Variants in FANCL observed in about 807,000 individuals in gnomAD.
The protein encoded by FANCL is E3 ubiquitin-protein ligase FANCL.
Under a neutral mutation model 59.4 loss-of-function variants are expected in FANCL, and 69 were observed. The ratio of observed to expected loss-of-function variants is 1.16; its 90% CI spans 0.96 to 1.42. The LOEUF is 1.42. FANCL is among the 40% of genes most tolerant of loss of function. The pLI, the probability that FANCL is intolerant of heterozygous loss-of-function variation, is 0.00. For synonymous variants in FANCL, 180 were observed against 147.1 expected (o/e 1.22, Z -1.62); for missense variants, 519 against 447.2 (o/e 1.16, Z -1.45).
intron 1 of FANCL, 55 bp downstream of exon 1, chr2:58,241,163 C>G: frequency 6.3e-7 from 1 of 1,577,520 alleles, no homozygotes; most frequent in Non-Finnish European, 8.7e-7. Context: ...GACTTCTCCG[C>G]GCAGCTACGC....
At position 58,162,894 on chromosome 2, in the gene FANCL, A is replaced by G. The variant is rs199875654; in HGVS notation, c.875T>C (p.Phe292Ser). ...QNLKDVLEIDFPARAILEKSD... is the reference protein window; with the variant it reads ...QNLKDVLEIDSPARAILEKSD... ...TTTTTCCAGGATAGCACGAGCTGGA[A>G]AATCAATTTCTAAAACATCTTTCAA... is the stretch of plus-strand genomic sequence containing the variant. The change falls in exon 11 of 14, where the codon TTT (phenylalanine) becomes TCT (serine). Residue 292 changes from phenylalanine to serine, a missense_variant. Coordinates refer to ENST00000233741, the MANE Select transcript of FANCL (RefSeq NM_018062.4). 21 of 1,612,802 alleles carry G rather than the reference A, an allele frequency of 1.3e-5. No homozygotes were observed. The highest frequency in any genetic ancestry group is 2.2e-5 in the East Asian group (1 of 44,832).
chr2:58,225,320 A>C (rs1057480194), intron 4 of FANCL, among the ~76,000 whole-genome samples: 1 of 151,996 alleles, frequency 6.6e-6, no homozygotes, highest in Admixed American at 6.5e-5. Flanking sequence ...GAAAAGAAAC[A>C]AGCACTTATC....
rs372101290 is a variant in FANCL, at chr2:58,226,708, GA to G, written c.273+19del. 21,609 of 1,256,794 alleles carry G rather than the reference GA, an allele frequency of 0.017. No individual in the cohort carries two copies. Among genetic ancestry groups the G allele is most frequent in the East Asian group, 0.023 (738 of 32,690 alleles). The allele number at this position is 1,256,794 out of a possible 1,614,324, so 77.9% of individuals were successfully genotyped here. A position where few individuals can be genotyped will look rare whatever the true frequency, so the allele number is the denominator to read the frequency against. Reference sequence around the variant, plus strand: ...GACTTGCAGTATGGTAACAGTGTCAGAAAAAAAAAAAATTCTTACCAAAAGC... The same window carrying G: ...GACTTGCAGTATGGTAACAGTGTCAGAAAAAAAAAAATTCTTACCAAAAGC... On this transcript the variant is annotated intron_variant, in intron 4 of 13. Transcript: ENST00000233741.
At chr2:58,217,141 AGATTTATATATATATTTATATATTT>A (rs1558805919) in intron 5 of FANCL, among the ~76,000 whole-genome samples, 109 of 96,412 alleles carry the variant, frequency 1.1e-3, no homozygotes, top group Middle Eastern at 4.9e-3. Flanking sequence ...TTTTATATAT[AGATTTATATATATATTTATATATTT>A]TATATATATA....
chr2:58,217,169 TATATATATA>T (rs1558806308), intron 5 of FANCL, among the ~76,000 whole-genome samples: 3 of 27,490 alleles, frequency 1.1e-4, no homozygotes, highest in East Asian at 1.2e-3. Context: ...ATATATTTTA[TATATATATA>T]TATATATATA....
chr2:58,168,583 A>C (rs1302750898), intron 7 of FANCL, among the ~76,000 whole-genome samples: 1 of 152,042 alleles, frequency 6.6e-6, no homozygotes, highest in Non-Finnish European at 1.5e-5. Context: ...TGGCGCCTGC[A>C]ACACCAGCAA....
intron 7 of FANCL, among the ~76,000 whole-genome samples, chr2:58,178,870 C>T (rs1687639171): frequency 6.6e-6 from 1 of 152,132 alleles, no homozygotes; most frequent in Non-Finnish European, 1.5e-5. Flanking sequence ...AGCTGATAAG[C>T]AACATCAGCA....
intron 7 of FANCL, among the ~76,000 whole-genome samples, chr2:58,168,898 G>C (rs149030855): frequency 1.1e-4 from 17 of 152,156 alleles, no homozygotes; most frequent in Non-Finnish European, 2.4e-4. Flanking sequence ...TGCCTCACCA[G>C]ATTCCTCCTC....
At chr2:58,198,479 T>C (rs13032432) in intron 7 of FANCL, 115 bp downstream of exon 7, 15,227 of 793,162 alleles carry the variant, frequency 0.019, 191 homozygotes, top group Non-Finnish European at 0.026. Context: ...TGGGTATGCA[T>C]GGATTTTGGT....
intron 7 of FANCL, among the ~76,000 whole-genome samples, chr2:58,194,716 T>C (rs1689265032): frequency 2.0e-5 from 3 of 151,922 alleles, no homozygotes; most frequent in African/African-American, 4.8e-5. Flanking sequence ...AGGCTTGTCA[T>C]GACGCACAAA....
intron 7 of FANCL, among the ~76,000 whole-genome samples, chr2:58,172,679 G>T (rs1291437136): frequency 2.6e-5 from 4 of 152,264 alleles, no homozygotes; most frequent in Middle Eastern, 3.4e-3. Flanking sequence ...AAACCACAAA[G>T]ATGGGGAAAA....
chr2:58,171,798 C>T (rs1402077542), intron 7 of FANCL, among the ~76,000 whole-genome samples: 1 of 152,304 alleles, frequency 6.6e-6, no homozygotes, highest in South Asian at 2.1e-4. Context: ...AGAAGCAGGA[C>T]GAGGCACTGC....
chr2:58,216,966 T>G lies in FANCL; in HGVS notation c.374+4976A>C, dbSNP rs1344426896. 2.6e-5 allele frequency among the ~76,000 whole-genome samples: 4 copies of G among 151,068 alleles called. No individual in the cohort carries two copies. The East Asian group carries it at 7.8e-4, about 29-fold the overall frequency. On this transcript the variant is annotated intron_variant, in intron 5 of 13. Transcript: ENST00000233741. ...TTATTTTATTACAGCTTTTTAAATA[T>G]TTTTAAAAAATTATTTAACCCTTGG... is the stretch of plus-strand genomic sequence containing the variant.
chr2:58,171,189 A>G (rs993705793), intron 7 of FANCL, among the ~76,000 whole-genome samples: 46 of 152,240 alleles, frequency 3.0e-4, no homozygotes, highest in African/African-American at 9.7e-4. Flanking sequence ...ACCACAGTGC[A>G]ATCAAATTAG....
Position 58,159,340 on chromosome 2 carries a change from T to A in FANCL, c.*425A>T. On this transcript the variant is annotated 3_prime_UTR_variant, in exon 14 of 14. Coordinates refer to ENST00000233741, the MANE Select transcript of FANCL (RefSeq NM_018062.4). ...AACAAACTAAACTATATATGTATTT[T>A]TTCCATAGGAAAGCACAAGGAGAAG... The A allele has an allele frequency of 6.3e-7, 1 of 1,583,862 alleles. No homozygotes were observed. Among genetic ancestry groups the A allele is most frequent in the Non-Finnish European group, 8.6e-7 (1 of 1,168,540 alleles).
At chr2:58,172,332 C>T (rs190127453) in intron 7 of FANCL, among the ~76,000 whole-genome samples, 2 of 152,338 alleles carry the variant, frequency 1.3e-5, no homozygotes, top group Admixed American at 1.3e-4. Flanking sequence ...CCCTGAGCAG[C>T]CTAACTGGGA....
intron 5 of FANCL, among the ~76,000 whole-genome samples, chr2:58,210,370 A>G (rs1185621205): frequency 6.6e-6 from 1 of 152,148 alleles, no homozygotes; most frequent in Non-Finnish European, 1.5e-5. Flanking sequence ...AAACCATCAC[A>G]TCTCATGACA....
chr2:58,166,002 A>AG (rs1373468308), intron 7 of FANCL, 128 bp from the exon 8 acceptor site: 3 of 859,496 alleles, frequency 3.5e-6, no homozygotes, highest in Non-Finnish European at 5.6e-6. Context: ...AGACTCCAGT[A>AG]AACAGTAGTC....
In FANCL at chr2:58,223,536, T is replaced by A. The variant is rs566647339; in HGVS notation, c.274-1494A>T. Among the ~76,000 whole-genome samples, 20 of 152,092 alleles carry A rather than the reference T, an allele frequency of 1.3e-4. No individual in the cohort carries two copies. The East Asian group carries it at 3.5e-3, about 26-fold the overall frequency. On this transcript the variant is annotated intron_variant, in intron 4 of 13. Transcript: ENST00000233741. ...ACTCTACCTTCTATTCTGAGTCAGG[T>A]AAGTTACTCCTACTGTAGAACCGTA...
Sources: allele counts gnomAD v4.1 joint callset (sites outside exome capture counted in the v4.1 genomes callset), GRCh38; gene constraint gnomAD v4.1.1; transcripts MANE v1.5; gene names NCBI Gene and HGNC (gene_info 2026-07-23, HGNC 2026-07-21).